The following RIC8B variants were observed in gnomAD, a reference collection of about 807,000 sequenced individuals.
The protein encoded by RIC8B is RIC8 guanine nucleotide exchange factor B.
In RIC8B, 16 loss-of-function variants were observed where a neutral mutation model predicts 57.5. That is an observed-to-expected ratio of 0.28 (90% CI 0.19 to 0.42). The LOEUF (loss-of-function observed/expected upper bound fraction) is 0.42. RIC8B is among the 10% of genes least tolerant of loss of function. RIC8B has a pLI of 1.00. For missense variants in RIC8B, 481 were observed against 677.0 expected (o/e 0.71, Z 3.21); for synonymous variants, 216 against 250.8 (o/e 0.86, Z 1.31).
intron 4 of RIC8B, among the ~76,000 whole-genome samples, chr12:106,828,187 T>C (rs1479736016): frequency 6.6e-6 from 1 of 152,204 alleles, no homozygotes; most frequent in Non-Finnish European, 1.5e-5. Context: ...ACAGGATTTA[T>C]GAGTATTTCT....
intron 9 of RIC8B, chr12:106,871,482 A>AC (rs1327399758): frequency 7.1e-6 from 1 of 140,672 alleles, no homozygotes; most frequent in Non-Finnish European, 1.5e-5. Flanking sequence ...AAAAAAAAAA[A>AC]AAAAAAAAAA....
At chr12:106,777,509 A>G (rs2043548015) in intron 1 of RIC8B, among the ~76,000 whole-genome samples, 1 of 152,198 alleles carries the variant, frequency 6.6e-6, no homozygotes, top group Non-Finnish European at 1.5e-5. Flanking sequence ...ACAGAGAGAA[A>G]TGAATGCTGT....
chr12:106,790,627 G>C (rs901867471), intron 2 of RIC8B, among the ~76,000 whole-genome samples: 1 of 152,172 alleles, frequency 6.6e-6, no homozygotes, highest in African/African-American at 2.4e-5. Context: ...ACATGTTGAG[G>C]AAATGAAAGC....
chr12:106,841,026 T>A (rs772556562), intron 4 of RIC8B, among the ~76,000 whole-genome samples: 11 of 152,174 alleles, frequency 7.2e-5, no homozygotes, highest in Non-Finnish European at 1.6e-4. Context: ...GTGCTTAAGA[T>A]AGAAGCAAAA....
At position 106,806,804 on chromosome 12, in the gene RIC8B, A is replaced by G. The variant is rs2045054773; in HGVS notation, c.133-7892A>G. 3.9e-5 allele frequency among the ~76,000 whole-genome samples: 6 copies of G among 152,140 alleles called. No individual in the cohort carries two copies. The South Asian group carries it at 1.2e-3, about 32-fold the overall frequency. The stretch of plus-strand genomic sequence containing the variant: ...AGATCATGCCATTGCACTCCATCCT[A>G]GGCAAGAGTGAGCCTCCATCTCAAA... On this transcript the variant is annotated intron_variant, in intron 2 of 9. Transcript: ENST00000392837.
At position 106,885,988 on chromosome 12, in the gene RIC8B, C is replaced by T. The variant is rs749533922; in HGVS notation, c.1656C>T (p.Ile552=). The T allele has an allele frequency of 8.1e-6, 13 of 1,613,316 alleles. No individual in the cohort carries two copies. Among genetic ancestry groups the T allele is most frequent in the Admixed American group, 1.7e-5 (1 of 59,992 alleles). ...AAGCACTCAACCAGTACTCTGTCATCGAAGAGACCAGCTCTGACACAGACT... is the reference window on the plus strand; with the variant it reads ...AAGCACTCAACCAGTACTCTGTCATTGAAGAGACCAGCTCTGACACAGACT... ...LEEALNQYSV[I]EETSSDTD is the part of the protein sequence containing the mutation. Residue 552 remains isoleucine, a synonymous_variant, in exon 10 of 10, where the codon ATC becomes ATT. Coordinates refer to ENST00000392837, the MANE Select transcript of RIC8B (RefSeq NM_001330145.2).
chr12:106,851,678 C>A, intron 7 of RIC8B, 84 bp downstream of exon 7: 2 of 1,172,496 alleles, frequency 1.7e-6, no homozygotes, highest in Non-Finnish European at 2.4e-6. Flanking sequence ...TACTGGTCGT[C>A]TCATTCCATT....
rs186339632 is a variant in RIC8B, at chr12:106,814,042, C to T, written c.133-654C>T. On this transcript the variant is annotated intron_variant, in intron 2 of 9. Coordinates refer to ENST00000392837, the MANE Select transcript of RIC8B (RefSeq NM_001330145.2). ...TACATATATTTGTACAGTCTGTGCC[C>T]TACAGCAAGATAACAAAAGAAAGCT... 5.9e-5 allele frequency among the ~76,000 whole-genome samples: 9 copies of T among 152,268 alleles called. No individual in the cohort carries two copies. In the East Asian group the frequency reaches 1.7e-3, roughly 29 times the overall value.
At chr12:106,883,172 T>G (rs1951029845) in intron 9 of RIC8B, among the ~76,000 whole-genome samples, 1 of 152,090 alleles carries the variant, frequency 6.6e-6, no homozygotes, top group Non-Finnish European at 1.5e-5. Flanking sequence ...CTGCCAATCC[T>G]ACTTTTACCT....
rs912345337 is a variant in RIC8B at position 106,853,109 on chromosome 12, A to G, written c.1306+1515A>G. Among the ~76,000 whole-genome samples the G allele has an allele frequency of 4.6e-5, 7 of 152,274 alleles. No homozygotes were observed. The East Asian group carries it at 1.2e-3, about 25-fold the overall frequency. On this transcript the variant is annotated intron_variant, in intron 7 of 9. Transcript: ENST00000392837. ...TCTGTATAATTTTTCTATAATGAAC[A>G]TGTATTTTTTTGTATACCTTTAAAA...
chr12:106,784,181 C>T, intron 2 of RIC8B, 137 bp downstream of exon 2: 1 of 806,504 alleles, frequency 1.2e-6, no homozygotes, highest in Middle Eastern at 2.3e-4. Context: ...TTTAGGAACC[C>T]TGAGAAGAAA....
chr12:106,835,572 TTTGCC>T (rs2046559430), intron 4 of RIC8B, among the ~76,000 whole-genome samples: 1 of 152,224 alleles, frequency 6.6e-6, no homozygotes, highest in Non-Finnish European at 1.5e-5. Context: ...GGTTGTATAA[TTTGCC>T]TAAGGCATAC....
intron 6 of RIC8B, among the ~76,000 whole-genome samples, chr12:106,844,212 G>C (rs1282689718): frequency 6.6e-6 from 1 of 152,074 alleles, no homozygotes; most frequent in African/African-American, 2.4e-5. Flanking sequence ...TTGTAGAGAG[G>C]GGGACAAAAA....
intron 9 of RIC8B, among the ~76,000 whole-genome samples, chr12:106,884,592 C>T (rs1951092389): frequency 6.6e-6 from 1 of 152,190 alleles, no homozygotes; most frequent in Admixed American, 6.5e-5. Flanking sequence ...GATTGGGAAA[C>T]ACATTTCCTC....
chr12:106,834,704 C>T (rs764036164), intron 4 of RIC8B, among the ~76,000 whole-genome samples: 2 of 151,976 alleles, frequency 1.3e-5, no homozygotes, highest in Admixed American at 1.3e-4. Flanking sequence ...ACTATTTCGG[C>T]CGGGTGTAGT....
intron 7 of RIC8B, among the ~76,000 whole-genome samples, chr12:106,853,042 G>A (rs188974703): frequency 1.3e-5 from 2 of 152,106 alleles, no homozygotes; most frequent in African/African-American, 4.8e-5. Flanking sequence ...ATTATTTATT[G>A]TTACCTCTGA....
At chr12:106,839,410 G>T (rs989394865) in intron 4 of RIC8B, among the ~76,000 whole-genome samples, 82 of 152,308 alleles carry the variant, frequency 5.4e-4, no homozygotes, top group Non-Finnish European at 1.0e-3. Context: ...TGGATCTGGA[G>T]GGCATTATGA....
At chr12:106,798,589 G>T (rs1360208295) in intron 2 of RIC8B, among the ~76,000 whole-genome samples, 2 of 152,064 alleles carry the variant, frequency 1.3e-5, no homozygotes, top group Admixed American at 1.3e-4. Context: ...TTTCGGTAAT[G>T]GAAAGCTTAC....
chr12:106,795,291 C>T (rs1438844401), intron 2 of RIC8B, among the ~76,000 whole-genome samples: 2 of 152,036 alleles, frequency 1.3e-5, no homozygotes, highest in Non-Finnish European at 1.5e-5. Context: ...GGGGTAAATA[C>T]CCGTGGTTCG....
Sources: gnomAD v4.1 joint callset for allele counts (sites outside exome capture counted in the v4.1 genomes callset) on GRCh38, gnomAD v4.1.1 for gene constraint, MANE v1.5 for transcripts, NCBI Gene and HGNC (gene_info 2026-07-23, HGNC 2026-07-21) for gene names.